The following SYNE1 variants were observed in gnomAD, a reference collection of about 807,000 sequenced individuals.
SYNE1 encodes spectrin repeat containing nuclear envelope protein 1.
Under a neutral mutation model 1,111.0 loss-of-function variants are expected in SYNE1, and 616 were observed. The observed-to-expected ratio is 0.55, with a 90% CI of 0.52 to 0.59. The LOEUF (loss-of-function observed/expected upper bound fraction) is 0.59. SYNE1 is among the 20% of genes least tolerant of loss of function. SYNE1 has a pLI of 0.00. For synonymous variants in SYNE1, 3,855 were observed against 3,825.8 expected (o/e 1.01, Z -0.28); for missense variants, 10,006 against 10,417.0 (o/e 0.96, Z 1.72).
chr6:152,268,853 A>G (rs530954474), intron 99 of SYNE1, among the ~76,000 whole-genome samples: 1 of 152,372 alleles, frequency 6.6e-6, no homozygotes, highest in East Asian at 1.9e-4. Context: ...AAAATTAAAT[A>G]GATTCAGAGG....
chr6:152,433,074 A>G (rs1418403160), intron 34 of SYNE1, among the ~76,000 whole-genome samples: 1 of 151,240 alleles, frequency 6.6e-6, no homozygotes, highest in African/African-American at 2.4e-5. Context: ...GAAATAGCAG[A>G]GGGTTTTCCC....
intron 139 of SYNE1, among the ~76,000 whole-genome samples, chr6:152,140,849 C>A (rs764049752): frequency 7.3e-5 from 11 of 151,714 alleles, no homozygotes; most frequent in African/African-American, 2.2e-4. Flanking sequence ...CTGGCTAACA[C>A]GGTGAAACCC....
At chr6:152,379,578 T>C (rs972560574) in intron 56 of SYNE1, among the ~76,000 whole-genome samples, 3 of 152,296 alleles carry the variant, frequency 2.0e-5, no homozygotes, top group Middle Eastern at 3.4e-3. Flanking sequence ...ACATATTCAT[T>C]GTGATAGAAA....
chr6:152,355,558 CT>C (rs2096822500), intron 66 of SYNE1, among the ~76,000 whole-genome samples: 1 of 152,104 alleles, frequency 6.6e-6, no homozygotes, highest in Non-Finnish European at 1.5e-5. Flanking sequence ...AATAAATTTC[CT>C]CCACCAAAGC....
At chr6:152,192,241 T>G (rs967480478) in intron 127 of SYNE1, among the ~76,000 whole-genome samples, 3 of 152,236 alleles carry the variant, frequency 2.0e-5, no homozygotes, top group African/African-American at 7.2e-5. Context: ...ATGAATGTTC[T>G]GTAAATATCT....
At chr6:152,424,792 G>T (rs1286808341) in intron 39 of SYNE1, among the ~76,000 whole-genome samples, 3 of 152,160 alleles carry the variant, frequency 2.0e-5, no homozygotes, top group Non-Finnish European at 4.4e-5. Context: ...TTTGCTGAAT[G>T]AATTAATTTT....
chr6:152,410,871 T>C (rs2098021922), intron 42 of SYNE1, among the ~76,000 whole-genome samples: 1 of 152,120 alleles, frequency 6.6e-6, no homozygotes, highest in Non-Finnish European at 1.5e-5. Context: ...TAGGAGAAAA[T>C]ATAGAAATAA....
chr6:152,635,022 C>G (rs562384440), intron 2 of SYNE1, among the ~76,000 whole-genome samples: 2 of 152,348 alleles, frequency 1.3e-5, no homozygotes, highest in South Asian at 4.1e-4. Context: ...CTTCCTACAT[C>G]CTGTGACAGT....
At chr6:152,537,526 ATC>A (rs1275347728) in intron 4 of SYNE1, among the ~76,000 whole-genome samples, 2 of 152,100 alleles carry the variant, frequency 1.3e-5, no homozygotes, top group Non-Finnish European at 2.9e-5. Flanking sequence ...TTTGCATACT[ATC>A]TCTTCTTATT....
At chr6:152,457,218 T>A (rs555181943) in intron 22 of SYNE1, among the ~76,000 whole-genome samples, 39 of 152,286 alleles carry the variant, frequency 2.6e-4, no homozygotes, top group South Asian at 1.7e-3. Context: ...GCTAGTGACA[T>A]TATGGTGTAT....
At chr6:152,314,825 C>A (rs2095659561) in intron 87 of SYNE1, among the ~76,000 whole-genome samples, 1 of 150,414 alleles carries the variant, frequency 6.6e-6, no homozygotes, top group Non-Finnish European at 1.5e-5. Context: ...ATGGCACGTG[C>A]CTGTAGTTCC....
chr6:152,385,843 T>A lies in SYNE1; in HGVS notation c.8488-5A>T. ...TTCCACTTTCCTCATTTTTTCCTAGTAAACAAAGAAAAGACTACCTTAACA... is the reference window on the plus strand; with the variant it reads ...TTCCACTTTCCTCATTTTTTCCTAGAAAACAAAGAAAAGACTACCTTAACA... On this transcript the variant is annotated splice_region_variant and splice_polypyrimidine_tract_variant and intron_variant, in intron 54 of 145. Transcript: ENST00000367255. 6.2e-7 allele frequency: 1 copy of A among 1,613,934 alleles called. No individual in the cohort carries two copies. The highest frequency in any genetic ancestry group is 8.5e-7 in the Non-Finnish European group (1 of 1,179,926).
In SYNE1 at chr6:152,135,180, CT is replaced by C; in HGVS notation, c.25711del (p.Arg8571GlufsTer28). On this transcript the variant is annotated frameshift_variant, in exon 142 of 146. Coordinates refer to ENST00000367255, the MANE Select transcript of SYNE1 (RefSeq NM_182961.4). LOFTEE classifies it high-confidence loss of function. The stretch of plus-strand genomic sequence containing the variant: ...AATAGGGACAATTTCATTTTTCCTT[CT>C]GTCAATGTTCTCCAGCATAAGAAGC... ...GLLLMLENID[R>X]RKNEIVPIDS... 1 of 1,614,122 alleles carries C rather than the reference CT, an allele frequency of 6.2e-7. No homozygotes were observed. Among genetic ancestry groups the C allele is most frequent in the Non-Finnish European group, 8.5e-7 (1 of 1,180,004 alleles).
chr6:152,140,115 C>T lies in SYNE1; in HGVS notation c.25293G>A (p.Lys8431=). 6.2e-7 allele frequency: 1 copy of T among 1,614,226 alleles called. No homozygotes were observed. The highest frequency in any genetic ancestry group is 8.5e-7 in the Non-Finnish European group (1 of 1,180,042). Residue 8431 remains lysine (K), a synonymous_variant, in exon 140 of 146, where the codon AAG becomes AAA. Transcript: ENST00000367255. ...WELLQAQALS[K]ELRMKQNLQK... is the part of the protein sequence containing the mutation. ...GGAGGTTCTGCTTCATCCTCAACTC[C>T]TTGCTCAATGCCTGGGCCTGGAGAA...
intron 129 of SYNE1, 100 bp from the exon 130 acceptor site, chr6:152,176,660 G>C: frequency 8.1e-7 from 1 of 1,232,762 alleles, no homozygotes; most frequent in Non-Finnish European, 1.2e-6. Flanking sequence ...TCTACTGCTT[G>C]GAAGTAGTTT....
intron 105 of SYNE1, among the ~76,000 whole-genome samples, chr6:152,247,035 A>C (rs2087389471): frequency 6.6e-6 from 1 of 152,224 alleles, no homozygotes; most frequent in Non-Finnish European, 1.5e-5. Flanking sequence ...CGAAACAAGG[A>C]AGCAATGCAG....
intron 55 of SYNE1, among the ~76,000 whole-genome samples, chr6:152,384,098 G>T (rs1000101464): frequency 3.9e-5 from 6 of 152,128 alleles, no homozygotes; most frequent in African/African-American, 1.4e-4. Flanking sequence ...GATCTAATTT[G>T]CTTGTCAAAA....
At chr6:152,605,033 AGAGG>A (rs1233315733) in intron 3 of SYNE1, among the ~76,000 whole-genome samples, 320 of 25,306 alleles carry the variant, frequency 0.013, 3 homozygotes, top group East Asian at 0.025. Flanking sequence ...AGAGAGAGAG[AGAGG>A]GAGGGAGGGA....
Position 152,450,747 on chromosome 6 carries a change from C to T in SYNE1, c.3273G>A (p.Arg1091=). The T allele has an allele frequency of 1.2e-6, 2 of 1,614,098 alleles. No homozygotes were observed. Among genetic ancestry groups the T allele is most frequent in the Non-Finnish European group, 1.7e-6 (2 of 1,180,014 alleles). The change falls in exon 27 of 146, where the codon CGG becomes CGA. Residue 1091 remains arginine (R), a synonymous_variant. Coordinates refer to ENST00000367255, the MANE Select transcript of SYNE1 (RefSeq NM_182961.4). ...IEELCVKLPV[R]DPVRDTPGTC... is the part of the protein sequence containing the mutation. The stretch of plus-strand genomic sequence containing the variant: ...TTCCAGGTGTGTCCCTTACTGGGTC[C>T]CGCACTGGGAGTTTCACACAGAGTT...
Sources: gnomAD v4.1 joint callset for allele counts (sites outside exome capture counted in the v4.1 genomes callset) on GRCh38, gnomAD v4.1.1 for gene constraint, MANE v1.5 for transcripts, NCBI Gene and HGNC (gene_info 2026-07-23, HGNC 2026-07-21) for gene names.